Variants in HEMK2 observed in about 807,000 individuals in gnomAD.
The protein encoded by HEMK2 is HemK methyltransferase 2, ETF1 glutamine and histone H4 lysine.
the HEMK2 span, among the ~76,000 whole-genome samples, chr21:28,677,719 C>T: frequency 2.6e-5 from 4 of 152,178 alleles, no homozygotes; most frequent in African/African-American, 4.8e-5. Context: ...AACAATCAGG[C>T]AGCAACATTT....
At chr21:28,673,265 T>G in the HEMK2 span, among the ~76,000 whole-genome samples, 2 of 152,120 alleles carry the variant, frequency 1.3e-5, no homozygotes, top group Non-Finnish European at 2.9e-5. Flanking sequence ...ATGATAGTGT[T>G]TTAGCAATCA....
At chr21:28,590,159 G>A in the HEMK2 span, among the ~76,000 whole-genome samples, 1 of 152,062 alleles carries the variant, frequency 6.6e-6, no homozygotes, top group Admixed American at 6.6e-5. Flanking sequence ...TTGCTCTTTG[G>A]CATAAAGATA....
At chr21:28,614,939 A>T in the HEMK2 span, among the ~76,000 whole-genome samples, 1 of 152,142 alleles carries the variant, frequency 6.6e-6, no homozygotes, top group Non-Finnish European at 1.5e-5. Flanking sequence ...CCCACTCTAT[A>T]TAAAATTCCA....
the HEMK2 span, among the ~76,000 whole-genome samples, chr21:28,864,852 TA>T: frequency 2.0e-3 from 270 of 135,840 alleles, 2 homozygotes; most frequent in South Asian, 6.3e-3. Flanking sequence ...GATAGATAGA[TA>T]GATAGATAGA....
chr21:28,640,439 C>G, the HEMK2 span, among the ~76,000 whole-genome samples: 2 of 152,190 alleles, frequency 1.3e-5, no homozygotes, highest in Non-Finnish European at 2.9e-5. Context: ...AGCAAGGAAG[C>G]TGTTTACGTA....
At chr21:28,705,418 A>C in the HEMK2 span, among the ~76,000 whole-genome samples, 3 of 152,138 alleles carry the variant, frequency 2.0e-5, no homozygotes, top group African/African-American at 7.2e-5. Flanking sequence ...CATTGATAGA[A>C]GGAAAGACTT....
chr21:28,804,362 A>C, the HEMK2 span, among the ~76,000 whole-genome samples: 58 of 152,330 alleles, frequency 3.8e-4, no homozygotes, highest in African/African-American at 1.3e-3. Context: ...TGTAATTCAA[A>C]ATAAAGACAA....
chr21:28,829,116 C>A, the HEMK2 span, among the ~76,000 whole-genome samples: 1 of 152,202 alleles, frequency 6.6e-6, no homozygotes, highest in Non-Finnish European at 1.5e-5. Context: ...GGATCCTCAA[C>A]AATCTTCATT....
the HEMK2 span, among the ~76,000 whole-genome samples, chr21:28,752,831 G>A: frequency 1.1e-3 from 173 of 152,324 alleles, no homozygotes; most frequent in African/African-American, 4.0e-3. Context: ...ACAATGCAAA[G>A]GGTGAAGCCA....
At chr21:28,685,462 G>T in the HEMK2 span, among the ~76,000 whole-genome samples, 1 of 152,114 alleles carries the variant, frequency 6.6e-6, no homozygotes, top group Non-Finnish European at 1.5e-5. Flanking sequence ...TTTAGCTAAA[G>T]GCTGTGGTAA....
At chr21:28,709,395 AAGGGCTT>A in the HEMK2 span, among the ~76,000 whole-genome samples, 4 of 150,374 alleles carry the variant, frequency 2.7e-5, no homozygotes, top group African/African-American at 1.0e-4. Context: ...TAGATTCAGG[AAGGGCTT>A]AGGGTAAAGT....
At chr21:28,858,068 T>A in the HEMK2 span, among the ~76,000 whole-genome samples, 1 of 152,254 alleles carries the variant, frequency 6.6e-6, no homozygotes, top group South Asian at 2.1e-4. Flanking sequence ...ACAAAACAGC[T>A]GCAAGGTTCT....
At chr21:28,822,462 G>C in the HEMK2 span, among the ~76,000 whole-genome samples, 10 of 151,818 alleles carry the variant, frequency 6.6e-5, no homozygotes, top group African/African-American at 2.4e-4. Flanking sequence ...AAAGATATAG[G>C]AGACCAATTG....
At chr21:28,591,607 T>C in the HEMK2 span, among the ~76,000 whole-genome samples, 1 of 152,210 alleles carries the variant, frequency 6.6e-6, no homozygotes, top group African/African-American at 2.4e-5. Flanking sequence ...ACAGGTAAAC[T>C]CACATCATGG....
At chr21:28,750,477 TCG>T in the HEMK2 span, among the ~76,000 whole-genome samples, 1 of 152,006 alleles carries the variant, frequency 6.6e-6, no homozygotes, top group African/African-American at 2.4e-5. Flanking sequence ...GGCAGGCAGA[TCG>T]CTTGAGGCCA....
chr21:28,876,273 T>C, the HEMK2 span: 1 of 685,944 alleles, frequency 1.5e-6, no homozygotes, highest in Non-Finnish European at 2.4e-6. Flanking sequence ...CCTTTCTACC[T>C]TTTTTTAATG....
the HEMK2 span, among the ~76,000 whole-genome samples, chr21:28,822,388 A>G: frequency 6.6e-6 from 1 of 152,192 alleles, no homozygotes; most frequent in African/African-American, 2.4e-5. Context: ...CACAATTTAA[A>G]TCACACATCA....
the HEMK2 span, among the ~76,000 whole-genome samples, chr21:28,604,719 A>G: frequency 6.6e-6 from 1 of 152,208 alleles, no homozygotes; most frequent in Non-Finnish European, 1.5e-5. Flanking sequence ...TGCAAACCTC[A>G]GTGTCTCTAT....
At chr21:28,834,370 C>T in the HEMK2 span, among the ~76,000 whole-genome samples, 1 of 152,204 alleles carries the variant, frequency 6.6e-6, no homozygotes, top group African/African-American at 2.4e-5. Context: ...ACCCTCCTTT[C>T]CTGAACTCAC....
Sources: allele counts gnomAD v4.1 joint callset (sites outside exome capture counted in the v4.1 genomes callset), GRCh38; gene constraint gnomAD v4.1.1; transcripts MANE v1.5; gene names NCBI Gene and HGNC (gene_info 2026-07-23, HGNC 2026-07-21).